PEBP4: variants seen among roughly 807,000 people sequenced by gnomAD.
PEBP4 encodes the protein phosphatidylethanolamine binding protein 4, also known as phosphatidylethanolamine-binding protein 4.
Under a neutral mutation model 23.9 loss-of-function variants are expected in PEBP4, and 22 were observed. The observed-to-expected ratio is 0.92, with a 90% CI of 0.66 to 1.31. The LOEUF (loss-of-function observed/expected upper bound fraction) is 1.31. Ranked by LOEUF, PEBP4 falls within the 40% of genes most tolerant of loss-of-function variation. The pLI is 0.00. For synonymous variants in PEBP4, 112 were observed against 99.3 expected (o/e 1.13, Z -0.76); for missense variants, 324 against 281.7 (o/e 1.15, Z -1.07).
chr8:22,926,168 G>C (rs1038779170), intron 2 of PEBP4, among the ~76,000 whole-genome samples: 1 of 151,768 alleles, frequency 6.6e-6, no homozygotes, highest in South Asian at 2.1e-4. Context: ...AGTAGAGACA[G>C]GGTTTCACCG....
intron 1 of PEBP4, among the ~76,000 whole-genome samples, chr8:22,935,366 C>T (rs541473075): frequency 6.6e-6 from 1 of 151,942 alleles, no homozygotes; most frequent in African/African-American, 2.4e-5. Flanking sequence ...ACTAAAAATA[C>T]AAAAATTAGC....
intron 4 of PEBP4, among the ~76,000 whole-genome samples, chr8:22,777,879 G>A (rs1805845736): frequency 6.6e-6 from 1 of 152,088 alleles, no homozygotes. Flanking sequence ...TGGCTTCCCC[G>A]CGCCCTCAAT....
intron 4 of PEBP4, among the ~76,000 whole-genome samples, chr8:22,771,371 C>A (rs1369218681): frequency 5.3e-5 from 8 of 152,076 alleles, no homozygotes; most frequent in African/African-American, 1.9e-4. Flanking sequence ...TGCCTGTAGT[C>A]GCAGCTACTT....
chr8:22,793,298 A>C (rs1460134710), intron 4 of PEBP4, among the ~76,000 whole-genome samples: 1 of 151,880 alleles, frequency 6.6e-6, no homozygotes, highest in Non-Finnish European at 1.5e-5. Context: ...ACAGAGTTTC[A>C]CTCCGTCACC....
chr8:22,731,082 A>G (rs369280545), intron 4 of PEBP4, among the ~76,000 whole-genome samples: 12 of 152,324 alleles, frequency 7.9e-5, no homozygotes, highest in African/African-American at 2.9e-4. Flanking sequence ...TGACATTTTC[A>G]AAAGGAACTC....
chr8:22,910,881 G>C (rs10091871), intron 3 of PEBP4, among the ~76,000 whole-genome samples: 4,990 of 152,218 alleles, frequency 0.033, 215 homozygotes, highest in African/African-American at 0.099. Context: ...ATGCCATCAC[G>C]CATTTGTAGA....
At chr8:22,765,051 C>T (rs1414665427) in intron 4 of PEBP4, among the ~76,000 whole-genome samples, 2 of 152,170 alleles carry the variant, frequency 1.3e-5, no homozygotes, top group Non-Finnish European at 2.9e-5. Context: ...CATTCCCTCT[C>T]TCATACCTCT....
chr8:22,861,652 G>A (rs73555823), intron 3 of PEBP4, among the ~76,000 whole-genome samples: 3,375 of 152,248 alleles, frequency 0.022, 132 homozygotes, highest in African/African-American at 0.076. Flanking sequence ...GCTCTCTGAT[G>A]TCAGGGATCT....
intron 3 of PEBP4, among the ~76,000 whole-genome samples, chr8:22,888,195 C>G (rs563489713): frequency 2.0e-5 from 3 of 148,830 alleles, no homozygotes; most frequent in Non-Finnish European, 3.0e-5. Context: ...GCTCTGTTGC[C>G]CAGGCTGGAG....
intron 4 of PEBP4, among the ~76,000 whole-genome samples, chr8:22,793,635 C>T (rs1180240068): frequency 6.6e-6 from 1 of 152,056 alleles, no homozygotes; most frequent in Non-Finnish European, 1.5e-5. Flanking sequence ...TCTTGTTGGA[C>T]AAATTGGTCA....
chr8:22,889,581 G>A (rs78334429), intron 3 of PEBP4, among the ~76,000 whole-genome samples: 2,453 of 152,334 alleles, frequency 0.016, 23 homozygotes, highest in Non-Finnish European at 0.026. Flanking sequence ...AGGTAATGCC[G>A]TAAATTACAG....
At chr8:22,838,901 G>C (rs921517450) in intron 3 of PEBP4, among the ~76,000 whole-genome samples, 2 of 152,268 alleles carry the variant, frequency 1.3e-5, no homozygotes, top group African/African-American at 2.4e-5. Flanking sequence ...CTGTCATCGT[G>C]TGCTGTCCAG....
chr8:22,925,260 C>G, intron 2 of PEBP4: 1 of 985,434 alleles, frequency 1.0e-6, no homozygotes, highest in Non-Finnish European at 1.2e-6. Context: ...GTCTCTTTCT[C>G]AGACTGGGGG....
intron 4 of PEBP4, among the ~76,000 whole-genome samples, chr8:22,778,838 G>A (rs200246020): frequency 1.1e-3 from 170 of 152,218 alleles, no homozygotes; most frequent in East Asian, 3.9e-3. Flanking sequence ...GGGATTTTTC[G>A]GGGTAAGTAA....
At chr8:22,908,789 T>G (rs1423343256) in intron 3 of PEBP4, among the ~76,000 whole-genome samples, 1 of 152,194 alleles carries the variant, frequency 6.6e-6, no homozygotes, top group Non-Finnish European at 1.5e-5. Context: ...GCGCAATTTT[T>G]AAAATCTTCT....
chr8:22,831,029 T>G (rs1267921552), intron 3 of PEBP4, among the ~76,000 whole-genome samples: 1 of 152,220 alleles, frequency 6.6e-6, no homozygotes, highest in Non-Finnish European at 1.5e-5. Flanking sequence ...CTTGTCATCT[T>G]GTACACATTC....
chr8:22,722,996 T>C (rs1396198695), intron 6 of PEBP4, among the ~76,000 whole-genome samples: 2 of 151,304 alleles, frequency 1.3e-5, no homozygotes, highest in Admixed American at 1.3e-4. Flanking sequence ...TTAGCCAGGA[T>C]GGTCTCAATC....
intron 3 of PEBP4, among the ~76,000 whole-genome samples, chr8:22,878,525 G>A (rs1808177331): frequency 6.6e-6 from 1 of 152,218 alleles, no homozygotes; most frequent in Non-Finnish European, 1.5e-5. Context: ...TGCTGCCTGT[G>A]AGTTACCCTA....
rs1805803313 is a variant in PEBP4 at position 22,775,753 on chromosome 8, GA to G, written c.357+41883del. 6.6e-6 allele frequency among the ~76,000 whole-genome samples: 1 copy of G among 152,110 alleles called. No homozygotes were observed. The highest frequency in any genetic ancestry group is 1.5e-5 in the Non-Finnish European group (1 of 68,004). On this transcript the variant is annotated intron_variant, in intron 4 of 6. Transcript: ENST00000256404. This position sits in a 1 kb window ranked among gnomAD's most constrained non-coding sequence, Gnocchi z 4.8. The stretch of plus-strand genomic sequence containing the variant: ...CCTCCTGTGCACTCACAGGAGGCTC[GA>G]GGAGACAGACAGAGGAAGCGAGAGA...
Sources: allele counts gnomAD v4.1 joint callset (sites outside exome capture counted in the v4.1 genomes callset), GRCh38; gene constraint gnomAD v4.1.1; non-coding constraint Gnocchi (gnomAD v3.1); transcripts MANE v1.5; gene names NCBI Gene and HGNC (gene_info 2026-07-23, HGNC 2026-07-21).